DNM3: variants seen among roughly 807,000 people sequenced by gnomAD.
The protein encoded by DNM3 is dynamin 3.
Under a neutral mutation model 101.6 loss-of-function variants are expected in DNM3, and 47 were observed. The ratio of observed to expected loss-of-function variants is 0.46; its 90% CI spans 0.37 to 0.59. The LOEUF (loss-of-function observed/expected upper bound fraction) is 0.59, where lower values mean the gene tolerates loss of function less well. Ranked by LOEUF, DNM3 falls within the 20% of genes least tolerant of loss-of-function variation. The pLI is 0.00. For missense variants in DNM3, 849 were observed against 1,085.7 expected (o/e 0.78, Z 3.06); for synonymous variants, 385 against 387.9 (o/e 0.99, Z 0.09).
At chr1:172,086,189 G>T (rs946478021) in intron 12 of DNM3, among the ~76,000 whole-genome samples, 4 of 152,136 alleles carry the variant, frequency 2.6e-5, no homozygotes, top group African/African-American at 7.2e-5. Context: ...GGAGGTAAGT[G>T]ATTCTTCTTT....
chr1:172,042,361 A>G (rs775724350), intron 8 of DNM3, among the ~76,000 whole-genome samples: 19 of 152,182 alleles, frequency 1.2e-4, no homozygotes, highest in Non-Finnish European at 2.4e-4. Flanking sequence ...CACAAATACT[A>G]ATTGAGTTTC....
chr1:172,351,581 C>T (rs1308500400), intron 17 of DNM3, among the ~76,000 whole-genome samples: 2 of 152,154 alleles, frequency 1.3e-5, no homozygotes, highest in African/African-American at 4.8e-5. Context: ...TATATCAGGT[C>T]TCAGCTTAGC....
At chr1:171,872,883 T>A (rs1267873248) in intron 1 of DNM3, among the ~76,000 whole-genome samples, 1 of 152,062 alleles carries the variant, frequency 6.6e-6, no homozygotes, top group Non-Finnish European at 1.5e-5. Context: ...ATTTCAAGAG[T>A]TTAGATCAAA....
At chr1:171,845,415 T>C (rs1394997167) in intron 1 of DNM3, among the ~76,000 whole-genome samples, 1 of 152,140 alleles carries the variant, frequency 6.6e-6, no homozygotes, top group Non-Finnish European at 1.5e-5. Context: ...TAGCCAGGTA[T>C]GGTGGAGCAT....
At chr1:171,881,001 G>GT (rs1466826234) in intron 1 of DNM3, among the ~76,000 whole-genome samples, 1 of 152,002 alleles carries the variant, frequency 6.6e-6, no homozygotes, top group Non-Finnish European at 1.5e-5. Flanking sequence ...ATTGGAAATT[G>GT]TTTTTTGGTT....
chr1:172,152,541 A>T (rs191254872), intron 14 of DNM3, among the ~76,000 whole-genome samples: 1 of 152,122 alleles, frequency 6.6e-6, no homozygotes, highest in South Asian at 2.1e-4. Flanking sequence ...AGGTAATGTC[A>T]ACTGTAACTA....
At chr1:171,917,492 A>G (rs778272104) in intron 1 of DNM3, among the ~76,000 whole-genome samples, 17 of 152,194 alleles carry the variant, frequency 1.1e-4, no homozygotes, top group Non-Finnish European at 2.2e-4. Flanking sequence ...GCCATGAAAG[A>G]GCATTAACTT....
intron 14 of DNM3, among the ~76,000 whole-genome samples, chr1:172,149,776 T>C (rs1189648830): frequency 6.6e-6 from 1 of 152,018 alleles, no homozygotes; most frequent in Non-Finnish European, 1.5e-5. Flanking sequence ...CATGATATCC[T>C]AAGGAAAAAA....
At chr1:172,300,168 T>G (rs1335077643) in intron 15 of DNM3, among the ~76,000 whole-genome samples, 1 of 152,096 alleles carries the variant, frequency 6.6e-6, no homozygotes, top group Non-Finnish European at 1.5e-5. Context: ...TGTTTTTTTT[T>G]GTTGCTTGTA....
At chr1:171,857,339 A>T (rs541474511) in intron 1 of DNM3, among the ~76,000 whole-genome samples, 40 of 152,358 alleles carry the variant, frequency 2.6e-4, no homozygotes, top group African/African-American at 7.9e-4. Context: ...AGGTCATTTC[A>T]GAGACAGAGG....
intron 1 of DNM3, among the ~76,000 whole-genome samples, chr1:171,847,451 T>A (rs1056048299): frequency 6.6e-6 from 1 of 152,104 alleles, no homozygotes; most frequent in Non-Finnish European, 1.5e-5. Flanking sequence ...AGTTTCTGAG[T>A]TGACAACAAG....
chr1:172,123,276 T>C (rs2056426262), intron 13 of DNM3, among the ~76,000 whole-genome samples: 1 of 152,198 alleles, frequency 6.6e-6, no homozygotes, highest in South Asian at 2.1e-4. Context: ...AATCCCTTCA[T>C]ATATACTTCA....
chr1:172,062,679 T>C (rs910445946), intron 10 of DNM3, among the ~76,000 whole-genome samples: 3 of 152,158 alleles, frequency 2.0e-5, no homozygotes, highest in Admixed American at 1.3e-4. Flanking sequence ...TTGACCTTCT[T>C]TGACTTCTCA....
chr1:172,020,384 G>A (rs1401518239), intron 4 of DNM3, among the ~76,000 whole-genome samples: 1 of 152,072 alleles, frequency 6.6e-6, no homozygotes, highest in Non-Finnish European at 1.5e-5. Flanking sequence ...CAGTAGTATA[G>A]GTTCTGGTTA....
At chr1:172,040,162 G>C (rs778938300) in intron 7 of DNM3, among the ~76,000 whole-genome samples, 5 of 152,098 alleles carry the variant, frequency 3.3e-5, no homozygotes, top group Admixed American at 1.3e-4. Context: ...TAGGGTTTAA[G>C]GGAAGGAGCA....
rs1364674740 is a variant in DNM3, at chr1:172,117,766, A to G, written c.1546-13409A>G. Among the ~76,000 whole-genome samples, 3 of 152,198 alleles carry G rather than the reference A, an allele frequency of 2.0e-5. No homozygotes were observed. In the East Asian group the frequency reaches 5.8e-4, roughly 29 times the overall value. On this transcript the variant is annotated intron_variant, in intron 13 of 20. Coordinates refer to ENST00000627582, the MANE Select transcript of DNM3 (RefSeq NM_015569.5). ...GAGGAGAAAGAGGTTGTTTTTAGGAATGAGCTCTTTTATTTTGACCCCTAG... is the reference window on the plus strand; with the variant it reads ...GAGGAGAAAGAGGTTGTTTTTAGGAGTGAGCTCTTTTATTTTGACCCCTAG...
chr1:171,952,130 A>G (rs2042568430), intron 2 of DNM3, among the ~76,000 whole-genome samples: 1 of 152,208 alleles, frequency 6.6e-6, no homozygotes, highest in African/African-American at 2.4e-5. Context: ...TCCAGGTAAC[A>G]GCCTTCAGAG....
intron 2 of DNM3, among the ~76,000 whole-genome samples, chr1:171,971,460 G>A (rs1432329092): frequency 3.3e-5 from 5 of 152,058 alleles, no homozygotes; most frequent in Non-Finnish European, 5.9e-5. Flanking sequence ...ATTTTCACAA[G>A]TTTGTCTTCT....
At chr1:172,028,918 A>C (rs1231524739) in intron 4 of DNM3, among the ~76,000 whole-genome samples, 2 of 152,170 alleles carry the variant, frequency 1.3e-5, no homozygotes, top group Non-Finnish European at 2.9e-5. Context: ...AGTAATTAAT[A>C]GCCTACCAAC....
Sources: gnomAD v4.1 joint callset for allele counts (sites outside exome capture counted in the v4.1 genomes callset) on GRCh38, gnomAD v4.1.1 for gene constraint, MANE v1.5 for transcripts, NCBI Gene and HGNC (gene_info 2026-07-23, HGNC 2026-07-21) for gene names.